The following CERK variants were observed in gnomAD, a reference collection of about 807,000 sequenced individuals.
CERK encodes the protein ceramide kinase.
CERK carries 39 observed loss-of-function variants against 63.4 expected under a neutral mutation model. The observed-to-expected ratio is 0.61, with a 90% CI of 0.48 to 0.80. The LOEUF (loss-of-function observed/expected upper bound fraction) is 0.80. Among genes scored for constraint, CERK ranks in the 30% least tolerant of loss-of-function variants. The pLI, the probability that CERK is intolerant of heterozygous loss-of-function variation, is 0.00. For synonymous variants in CERK, 302 were observed against 280.0 expected (o/e 1.08, Z -0.78); for missense variants, 670 against 714.1 (o/e 0.94, Z 0.70).
At chr22:46,715,635 A>G (rs992298150) in intron 3 of CERK, among the ~76,000 whole-genome samples, 4 of 152,056 alleles carry the variant, frequency 2.6e-5, no homozygotes, top group African/African-American at 9.7e-5. Context: ...ACAGTGAGCT[A>G]TGATCGCATA....
chr22:46,699,469 T>A lies in CERK; in HGVS notation c.791-4A>T. ...ACATCCATGGCCAGCGAGTCCCCTG[T>A]GGGAGAGAACGGCCGTGAGGGAAGG... On this transcript the variant is annotated splice_polypyrimidine_tract_variant and splice_region_variant and intron_variant, in intron 7 of 12. Transcript: ENST00000216264. The A allele has an allele frequency of 6.2e-7, 1 of 1,613,938 alleles. No individual in the cohort carries two copies. Among genetic ancestry groups the A allele is most frequent in the Non-Finnish European group, 8.5e-7 (1 of 1,179,910 alleles).
intron 1 of CERK, among the ~76,000 whole-genome samples, chr22:46,733,633 A>C (rs2082957199): frequency 6.6e-6 from 1 of 152,026 alleles, no homozygotes; most frequent in African/African-American, 2.4e-5. Flanking sequence ...TTACAAAAGA[A>C]ATTTTAAAAT....
At chr22:46,732,881 C>G (rs1209182039) in intron 1 of CERK, among the ~76,000 whole-genome samples, 1 of 151,930 alleles carries the variant, frequency 6.6e-6, no homozygotes. Context: ...GCCTTTTTTC[C>G]TATCAATTTT....
At chr22:46,705,180 C>T (rs2082807154) in intron 6 of CERK, among the ~76,000 whole-genome samples, 1 of 152,230 alleles carries the variant, frequency 6.6e-6, no homozygotes, top group East Asian at 1.9e-4. Flanking sequence ...AAATCATGAC[C>T]TGGAGCCTCT....
chr22:46,720,065 T>C (rs763827809), intron 3 of CERK, 21 bp downstream of exon 3: 1 of 1,608,952 alleles, frequency 6.2e-7, no homozygotes, highest in Non-Finnish European at 8.5e-7. Flanking sequence ...ATCCTGTCTC[T>C]CAGTCCAAAC....
At chr22:46,700,003 C>G (rs946975420) in intron 7 of CERK, among the ~76,000 whole-genome samples, 4 of 152,168 alleles carry the variant, frequency 2.6e-5, no homozygotes, top group African/African-American at 9.7e-5. Context: ...GCAGGAGAAT[C>G]GCTTGAACCC....
intron 1 of CERK, among the ~76,000 whole-genome samples, chr22:46,730,679 C>T (rs1291521506): frequency 7.2e-6 from 1 of 138,128 alleles, no homozygotes; most frequent in Non-Finnish European, 1.5e-5. Context: ...TTTTCCTACT[C>T]CTCCTATTAA....
In CERK at chr22:46,687,187, G is replaced by A. The variant is rs528883036; in HGVS notation, c.1561C>T (p.Arg521Ter). The A allele has an allele frequency of 3.7e-5, 60 of 1,614,072 alleles. No homozygotes were observed. Among genetic ancestry groups the A allele is most frequent in the Non-Finnish European group, 4.4e-5 (52 of 1,180,012 alleles). ...TCTTCAATTCCTCGTGCAAAGAGTC[G>A]AACCAGCTGGCAGTGGACTCTGCAG... is the stretch of plus-strand genomic sequence containing the variant. ...IEVRVHCQLV[R>*]LFARGIEENP... The change falls in exon 13 of 13, where the codon CGA becomes TGA. Residue 521 changes from arginine (R) to a stop codon, truncating the protein, a stop_gained. Transcript: ENST00000216264. LOFTEE classifies it low-confidence loss of function (END_TRUNC).
chr22:46,701,622 G>C lies in CERK; in HGVS notation c.790+14C>G, dbSNP rs375444419. ...CCGGCTGCCACCGTGCGCATGCGCAGAGGAGGGGCTCACCAACAACGATAT... is the reference window on the plus strand; with the variant it reads ...CCGGCTGCCACCGTGCGCATGCGCACAGGAGGGGCTCACCAACAACGATAT... On this transcript the variant is annotated intron_variant, in intron 7 of 12. Transcript: ENST00000216264. The C allele has an allele frequency of 2.8e-5, 43 of 1,552,750 alleles. No individual in the cohort carries two copies. The highest frequency in any genetic ancestry group is 4.4e-6 in the Non-Finnish European group (5 of 1,148,326).
chr22:46,691,431 A>T, intron 11 of CERK, 141 bp downstream of exon 11: 1 of 684,160 alleles, frequency 1.5e-6, no homozygotes, highest in Non-Finnish European at 2.4e-6. Flanking sequence ...CAGGAGTTTA[A>T]AGTTTGTGAA....
At chr22:46,703,638 C>T (rs2082798598) in intron 6 of CERK, among the ~76,000 whole-genome samples, 1 of 152,170 alleles carries the variant, frequency 6.6e-6, no homozygotes, top group Non-Finnish European at 1.5e-5. Flanking sequence ...TCCACACAGC[C>T]CCCCACCAGC....
chr22:46,717,846 C>T (rs895695135), intron 3 of CERK, among the ~76,000 whole-genome samples: 5 of 152,228 alleles, frequency 3.3e-5, no homozygotes, highest in African/African-American at 7.2e-5. Flanking sequence ...TTTGGGAGGC[C>T]GAGGTAGGCG....
At chr22:46,733,022 C>T (rs921334609) in intron 1 of CERK, among the ~76,000 whole-genome samples, 4 of 151,784 alleles carry the variant, frequency 2.6e-5, no homozygotes, top group Non-Finnish European at 5.9e-5. Context: ...TCCTGGCTAA[C>T]ACAGTGAAAC....
intron 8 of CERK, among the ~76,000 whole-genome samples, chr22:46,695,998 C>T (rs1008386870): frequency 4.6e-5 from 7 of 152,316 alleles, no homozygotes; most frequent in Non-Finnish European, 1.0e-4. Flanking sequence ...TTCACTCCTC[C>T]GTGTCTGATG....
chr22:46,719,861 T>C (rs1023363960), intron 3 of CERK, among the ~76,000 whole-genome samples: 5 of 152,180 alleles, frequency 3.3e-5, no homozygotes, highest in Non-Finnish European at 7.3e-5. Flanking sequence ...TCCTGGCCAG[T>C]GAGCAGGGGG....
intron 8 of CERK, among the ~76,000 whole-genome samples, chr22:46,696,497 AGCCTCCAGGGTGGCGCC>A (rs2082757124): frequency 6.6e-6 from 1 of 151,990 alleles, no homozygotes; most frequent in Non-Finnish European, 1.5e-5. Flanking sequence ...ACCCAGACGC[AGCCTCCAGGGTGGCGCC>A]TCACCGACAT....
chr22:46,701,941 G>A (rs2082786787), intron 6 of CERK, among the ~76,000 whole-genome samples: 1 of 152,188 alleles, frequency 6.6e-6, no homozygotes, highest in South Asian at 2.1e-4. Flanking sequence ...AGCACTTTGA[G>A]AGGCCGAGGT....
At chr22:46,707,769 A>C in intron 6 of CERK, 74 bp downstream of exon 6, 1 of 1,502,474 alleles carries the variant, frequency 6.7e-7, no homozygotes, top group South Asian at 1.2e-5. Context: ...TAAGTGTCCG[A>C]GGTGGCTACT....
chr22:46,689,228 G>T (rs1409743433), intron 12 of CERK, among the ~76,000 whole-genome samples: 1 of 152,234 alleles, frequency 6.6e-6, no homozygotes, highest in Non-Finnish European at 1.5e-5. Flanking sequence ...CATCCTCGGG[G>T]TGCCCTTCCC....
Sources: gnomAD v4.1 joint callset for allele counts (sites outside exome capture counted in the v4.1 genomes callset) on GRCh38, gnomAD v4.1.1 for gene constraint, MANE v1.5 for transcripts, NCBI Gene and HGNC (gene_info 2026-07-23, HGNC 2026-07-21) for gene names.